Variants in CNTN4 observed in about 807,000 individuals in gnomAD.
CNTN4 encodes contactin 4.
A neutral mutation model predicts 122.5 loss-of-function variants in CNTN4; 77 were observed. That is an observed-to-expected ratio of 0.63 (90% CI 0.52 to 0.76). The LOEUF (loss-of-function observed/expected upper bound fraction) is 0.76, where lower values mean the gene tolerates loss of function less well. CNTN4 is among the 30% of genes least tolerant of loss of function. The pLI, the probability that CNTN4 is intolerant of heterozygous loss-of-function variation, is 0.00. For synonymous variants in CNTN4, 512 were observed against 447.0 expected, an observed-to-expected ratio of 1.15 and a Z score of -1.83; for missense variants, 1,256 against 1,259.1, an observed-to-expected ratio of 1.00 and a Z score of 0.04.
In CNTN4 at chr3:2,571,455, A is replaced by G; in HGVS notation, c.-49A>G. 7.5e-7 allele frequency: 1 copy of G among 1,338,864 alleles called. No homozygotes were observed. The highest frequency in any genetic ancestry group is 1.1e-6 in the Non-Finnish European group (1 of 928,942). The allele number at this position is 1,338,864 out of a possible 1,614,324, so 82.9% of individuals were successfully genotyped here. A position where few individuals can be genotyped will look rare whatever the true frequency, so the allele number is the denominator to read the frequency against. ...AAAACTTAAAAGAAGCAGCAATTCTATTCGCTTGTTATTGGACTTGAAACT... is the reference window on the plus strand; with the variant it reads ...AAAACTTAAAAGAAGCAGCAATTCTGTTCGCTTGTTATTGGACTTGAAACT... On this transcript the variant is annotated 5_prime_UTR_variant, in exon 4 of 25. Coordinates refer to ENST00000418658, the MANE Select transcript of CNTN4 (RefSeq NM_175607.3).
chr3:2,571,679 T>A lies in CNTN4; in HGVS notation c.55+121T>A, dbSNP rs148938086. On this transcript the variant is annotated intron_variant, in intron 4 of 24. Transcript: ENST00000418658. ...TCGCAAGAGTATATGCTGCTATGAC[T>A]AGCATTTGCTGACACTGTTGAATAT... 545 of 750,028 alleles carry A rather than the reference T, an allele frequency of 7.3e-4. 1 individual carries two copies. The African/African-American group carries it at 7.3e-3, about 10-fold the overall frequency. 46.5% of individuals were successfully genotyped at this position (750,028 alleles called of 1,614,324 possible).
chr3:2,895,655 A>G (rs1249188700), intron 10 of CNTN4, among the ~76,000 whole-genome samples: 1 of 152,206 alleles, frequency 6.6e-6, no homozygotes, highest in Non-Finnish European at 1.5e-5. Context: ...GTGTGAATGA[A>G]GTACAAATTA....
chr3:2,301,905 T>G (rs1177661305), intron 2 of CNTN4, among the ~76,000 whole-genome samples: 2 of 152,212 alleles, frequency 1.3e-5, no homozygotes, highest in Admixed American at 1.3e-4. Flanking sequence ...GTGAGAGAAA[T>G]CAGCAATAAC....
chr3:2,351,594 T>C (rs1191049631), intron 3 of CNTN4, among the ~76,000 whole-genome samples: 1 of 152,042 alleles, frequency 6.6e-6, no homozygotes, highest in African/African-American at 2.4e-5. Flanking sequence ...CCCCGTGGAG[T>C]AGGACAGAGC....
chr3:2,677,460 GTATC>G (rs145893220), intron 4 of CNTN4, among the ~76,000 whole-genome samples: 52 of 132,260 alleles, frequency 3.9e-4, no homozygotes, highest in African/African-American at 1.4e-3. Flanking sequence ...AGAGATCTAT[GTATC>G]TATCCATCTA....
intron 2 of CNTN4, among the ~76,000 whole-genome samples, chr3:2,222,744 G>C (rs991242031): frequency 3.3e-5 from 5 of 151,838 alleles, no homozygotes; most frequent in African/African-American, 9.7e-5. Flanking sequence ...TTATAAATAA[G>C]CTATCGTTGG....
intron 6 of CNTN4, among the ~76,000 whole-genome samples, chr3:2,757,391 T>C (rs2149660682): frequency 6.6e-6 from 1 of 152,316 alleles, no homozygotes; most frequent in Non-Finnish European, 1.5e-5. Flanking sequence ...CTCTCTGGAC[T>C]TCTTCCGTTT....
intron 2 of CNTN4, among the ~76,000 whole-genome samples, chr3:2,281,786 T>C (rs2041725264): frequency 6.6e-6 from 1 of 152,174 alleles, no homozygotes; most frequent in African/African-American, 2.4e-5. Flanking sequence ...CGAATTGTGT[T>C]ATTTCTCTGC....
intron 4 of CNTN4, among the ~76,000 whole-genome samples, chr3:2,684,204 T>C (rs1018554978): frequency 1.3e-5 from 2 of 152,112 alleles, no homozygotes; most frequent in African/African-American, 4.8e-5. Context: ...CCATGTGAGT[T>C]AGGGATTTGA....
chr3:2,320,162 T>C (rs1383078776), intron 2 of CNTN4, among the ~76,000 whole-genome samples: 1 of 152,094 alleles, frequency 6.6e-6, no homozygotes, highest in Non-Finnish European at 1.5e-5. Flanking sequence ...AGCATCTTTG[T>C]TGTTTGAGCT....
chr3:2,153,308 G>A (rs943430954), intron 2 of CNTN4, among the ~76,000 whole-genome samples: 1 of 152,154 alleles, frequency 6.6e-6, no homozygotes, highest in African/African-American at 2.4e-5. Flanking sequence ...ATGTCTGGAA[G>A]AAGAGGAGCA....
At chr3:2,974,797 T>C (rs934297530) in intron 13 of CNTN4, among the ~76,000 whole-genome samples, 3 of 152,188 alleles carry the variant, frequency 2.0e-5, no homozygotes, top group Non-Finnish European at 4.4e-5. Context: ...CCACTTTCAT[T>C]TTCTCTCTTA....
intron 4 of CNTN4, among the ~76,000 whole-genome samples, chr3:2,688,271 A>G (rs189020395): frequency 5.5e-4 from 83 of 152,220 alleles, no homozygotes; most frequent in Non-Finnish European, 8.8e-5. Flanking sequence ...TTTGGACCAC[A>G]TTGAGTTTTT....
At chr3:2,730,124 T>C (rs1559439274) in intron 4 of CNTN4, among the ~76,000 whole-genome samples, 1 of 152,122 alleles carries the variant, frequency 6.6e-6, no homozygotes, top group Admixed American at 6.5e-5. Flanking sequence ...ACTTTGGTTT[T>C]TTGTGGGGGG....
chr3:2,662,044 A>C (rs953592604), intron 4 of CNTN4, among the ~76,000 whole-genome samples: 2 of 152,204 alleles, frequency 1.3e-5, no homozygotes, highest in African/African-American at 4.8e-5. Flanking sequence ...ACACTTATCA[A>C]GTGCTGATAT....
At chr3:2,834,317 C>T (rs1405689228) in intron 7 of CNTN4, among the ~76,000 whole-genome samples, 1 of 152,114 alleles carries the variant, frequency 6.6e-6, no homozygotes, top group Non-Finnish European at 1.5e-5. Flanking sequence ...GTAATCCCAG[C>T]ACTTTGGGAG....
In CNTN4 at chr3:3,014,085, CA is replaced by C. The variant is rs1346233885; in HGVS notation, c.1487-12016del. 5.0e-4 allele frequency among the ~76,000 whole-genome samples: 76 copies of C among 150,638 alleles called. No individual in the cohort carries two copies. In the East Asian group the frequency reaches 5.6e-3, roughly 11 times the overall value. On this transcript the variant is annotated intron_variant, in intron 14 of 24. Transcript: ENST00000418658. ...ACACACACACACACACACACACACA[CA>C]CCCCTAGGGGTTTTGTTTGTTTTAA...
intron 3 of CNTN4, among the ~76,000 whole-genome samples, chr3:2,568,216 A>G (rs1384161816): frequency 6.8e-6 from 1 of 147,152 alleles, no homozygotes; most frequent in East Asian, 2.1e-4. Flanking sequence ...AAACTGATTC[A>G]TGCTTTTGTT....
At chr3:2,574,597 A>C (rs1156771408) in intron 4 of CNTN4, among the ~76,000 whole-genome samples, 1 of 152,190 alleles carries the variant, frequency 6.6e-6, no homozygotes, top group East Asian at 1.9e-4. Flanking sequence ...CAGTAATCTA[A>C]AAGTTCAGCC....
Sources: gnomAD v4.1 joint callset for allele counts (sites outside exome capture counted in the v4.1 genomes callset) on GRCh38, gnomAD v4.1.1 for gene constraint, MANE v1.5 for transcripts, NCBI Gene and HGNC (gene_info 2026-07-23, HGNC 2026-07-21) for gene names.